The following RYK variants were observed in gnomAD, a reference collection of about 807,000 sequenced individuals.
The protein encoded by RYK is receptor like tyrosine kinase, also known as inactive tyrosine-protein kinase RYK.
In RYK, 21 loss-of-function variants were observed where a neutral mutation model predicts 70.2. The observed-to-expected ratio is 0.30, with a 90% CI of 0.21 to 0.43. The LOEUF (loss-of-function observed/expected upper bound fraction) is 0.43, where lower values mean the gene tolerates loss of function less well. Ranked by LOEUF, RYK falls within the 20% of genes least tolerant of loss-of-function variation. The pLI, the probability that RYK is intolerant of heterozygous loss-of-function variation, is 1.00. For missense variants in RYK, 604 were observed against 753.3 expected (o/e 0.80, Z 2.32); for synonymous variants, 267 against 278.0 (o/e 0.96, Z 0.39).
In RYK at chr3:134,218,042, G is replaced by A. The variant is rs534629142; in HGVS notation, c.354+4376C>T. 1.4e-3 allele frequency among the ~76,000 whole-genome samples: 208 copies of A among 152,158 alleles called. 2 individuals carry two copies. Among genetic ancestry groups the A allele is most frequent in the Admixed American group, 3.5e-3 (54 of 15,274 alleles). On this transcript the variant is annotated intron_variant, in intron 2 of 14. Coordinates refer to ENST00000623711, the MANE Select transcript of RYK (RefSeq NM_002958.4). ...TTACTTTCCTCTAAATTTTATACCT[G>A]TTACAGATGAACTTGTGAAATCAGT...
chr3:134,250,103 A>C (rs556656602), intron 1 of RYK, among the ~76,000 whole-genome samples: 137 of 152,142 alleles, frequency 9.0e-4, no homozygotes, highest in African/African-American at 3.1e-3. Context: ...GCAGCAAGGA[A>C]AAAAAGTTGT....
chr3:134,158,220 C>A lies in RYK; in HGVS notation c.1757G>T (p.Arg586Met). Residue 586 changes from arginine to methionine, a missense_variant, in exon 15 of 15, where the codon AGG becomes ATG. Coordinates refer to ENST00000623711, the MANE Select transcript of RYK (RefSeq NM_002958.4). ...CTGTACCAGCTGCTGAAACTTGGGCCTCTCCTCTGGATCTAAGGCCCAGCA... is the reference window on the plus strand; with the variant it reads ...CTGTACCAGCTGCTGAAACTTGGGCATCTCCTCTGGATCTAAGGCCCAGCA... ...ACCWALDPEE[R>M]PKFQQLVQCL... 1 of 1,577,470 alleles carries A rather than the reference C, an allele frequency of 6.3e-7. No individual in the cohort carries two copies. The highest frequency in any genetic ancestry group is 8.6e-7 in the Non-Finnish European group (1 of 1,160,194).
intron 3 of RYK, among the ~76,000 whole-genome samples, chr3:134,210,900 A>G (rs1490527733): frequency 6.6e-6 from 1 of 152,138 alleles, no homozygotes; most frequent in African/African-American, 2.4e-5. Flanking sequence ...GCAGATCTTG[A>G]GTCTTGCAGA....
chr3:134,228,419 T>C (rs944038526), intron 1 of RYK, among the ~76,000 whole-genome samples: 7 of 152,180 alleles, frequency 4.6e-5, no homozygotes, highest in African/African-American at 9.7e-5. Flanking sequence ...CTATTTACAA[T>C]AGCCAAGATA....
In RYK at chr3:134,250,553, C is replaced by T; in HGVS notation, c.102G>A (p.Ala34=). The T allele has an allele frequency of 1.8e-6, 2 of 1,118,876 alleles. No homozygotes were observed. Among genetic ancestry groups the T allele is most frequent in the Middle Eastern group, 3.5e-4 (1 of 2,844 alleles). The allele number at this position is 1,118,876 out of a possible 1,614,324, so 69.3% of individuals were successfully genotyped here. Residue 34 remains alanine (A), a synonymous_variant, in exon 1 of 15, where the codon GCG becomes GCA. Coordinates refer to ENST00000623711, the MANE Select transcript of RYK (RefSeq NM_002958.4). ...CAGGCGCGGGCAGCAGCGGCAACAG[C>T]GCAAGCAGAAGCAGCAGCGGCGGCG... ...PPPPPLLLLL[A]LLPLLPAPGA... is the part of the protein sequence containing the mutation.
chr3:134,249,251 A>C (rs766936195), intron 1 of RYK, among the ~76,000 whole-genome samples: 2 of 152,252 alleles, frequency 1.3e-5, no homozygotes, highest in Non-Finnish European at 2.9e-5. Context: ...CTTCATAAAA[A>C]GAGCATTCTT....
At chr3:134,192,688 A>T (rs780272032) in intron 7 of RYK, among the ~76,000 whole-genome samples, 27 of 152,216 alleles carry the variant, frequency 1.8e-4, no homozygotes, top group Non-Finnish European at 3.5e-4. Flanking sequence ...GGCTTTAGCA[A>T]GTAGAAGTTG....
intron 13 of RYK, among the ~76,000 whole-genome samples, chr3:134,169,839 G>A (rs1314052037): frequency 6.6e-6 from 1 of 152,104 alleles, no homozygotes; most frequent in African/African-American, 2.4e-5. Flanking sequence ...TTTCACATGT[G>A]TATAGACTCT....
At chr3:134,232,050 G>T (rs904339391) in intron 1 of RYK, among the ~76,000 whole-genome samples, 1 of 152,064 alleles carries the variant, frequency 6.6e-6, no homozygotes, top group East Asian at 1.9e-4. Flanking sequence ...AGCAATATGC[G>T]AATTACTCTG....
intron 2 of RYK, among the ~76,000 whole-genome samples, chr3:134,214,430 T>C (rs1370007821): frequency 6.6e-6 from 1 of 152,290 alleles, no homozygotes; most frequent in Middle Eastern, 3.4e-3. Context: ...TTAAAGCCAC[T>C]TCCCTTCTCT....
At chr3:134,247,145 T>C (rs1021371932) in intron 1 of RYK, among the ~76,000 whole-genome samples, 6 of 152,064 alleles carry the variant, frequency 3.9e-5, no homozygotes, top group African/African-American at 1.4e-4. Flanking sequence ...AGTCACTATT[T>C]AGCAATACCT....
At chr3:134,182,946 G>A in intron 10 of RYK, 56 bp downstream of exon 10, 1 of 1,029,168 alleles carries the variant, frequency 9.7e-7, no homozygotes. Context: ...ACATAAAAAT[G>A]TGGCATCAAG....
chr3:134,166,475 A>G (rs2012671726), intron 13 of RYK, among the ~76,000 whole-genome samples: 1 of 152,226 alleles, frequency 6.6e-6, no homozygotes, highest in Non-Finnish European at 1.5e-5. Context: ...AAACATCAGC[A>G]ATCTTTAAGC....
intron 1 of RYK, among the ~76,000 whole-genome samples, chr3:134,231,601 A>G (rs1185844601): frequency 1.3e-5 from 2 of 152,022 alleles, no homozygotes; most frequent in East Asian, 1.9e-4. Flanking sequence ...TCCCCCTTCA[A>G]TGATCTACTT....
At chr3:134,196,582 A>C (rs7428515) in intron 6 of RYK, among the ~76,000 whole-genome samples, 80 of 128,490 alleles carry the variant, frequency 6.2e-4, no homozygotes, top group South Asian at 7.9e-4. Flanking sequence ...TCTGAAACAA[A>C]ACACACACAC....
chr3:134,196,713 T>A (rs1478271003), intron 6 of RYK, among the ~76,000 whole-genome samples: 1 of 151,984 alleles, frequency 6.6e-6, no homozygotes, highest in African/African-American at 2.4e-5. Context: ...TGTAAATATA[T>A]AACATCCAGG....
intron 2 of RYK, among the ~76,000 whole-genome samples, chr3:134,221,218 T>A (rs74562243): frequency 1.8e-5 from 2 of 110,402 alleles, no homozygotes; most frequent in Non-Finnish European, 4.1e-5. Context: ...TTTTTTTTTT[T>A]TTTTGAGACA....
At chr3:134,231,053 T>C (rs1235661027) in intron 1 of RYK, among the ~76,000 whole-genome samples, 1 of 152,036 alleles carries the variant, frequency 6.6e-6, no homozygotes, top group African/African-American at 2.4e-5. Flanking sequence ...TTTATTGTTA[T>C]TACTGGTAAT....
intron 1 of RYK, among the ~76,000 whole-genome samples, chr3:134,233,567 C>A (rs1400580012): frequency 6.6e-6 from 1 of 152,062 alleles, no homozygotes; most frequent in Admixed American, 6.5e-5. Context: ...AAACTACCAG[C>A]AACAGAGCAA....
Sources: gnomAD v4.1 joint callset for allele counts (sites outside exome capture counted in the v4.1 genomes callset) on GRCh38, gnomAD v4.1.1 for gene constraint, MANE v1.5 for transcripts, NCBI Gene and HGNC (gene_info 2026-07-23, HGNC 2026-07-21) for gene names.